Variants in ADAM11 observed in about 807,000 individuals in gnomAD.
The protein encoded by ADAM11 is disintegrin and metalloproteinase domain-containing protein 11.
Under a neutral mutation model 119.1 loss-of-function variants are expected in ADAM11, and 49 were observed. That is an observed-to-expected ratio of 0.41 (90% CI 0.33 to 0.52). ADAM11 has a LOEUF of 0.52. Among genes scored for constraint, ADAM11 ranks in the 20% least tolerant of loss-of-function variants. The pLI is 0.20. For synonymous variants in ADAM11, 364 were observed against 408.0 expected (o/e 0.89, Z 1.30); for missense variants, 777 against 1,047.5 (o/e 0.74, Z 3.56).
At chr17:44,771,502 C>A in intron 4 of ADAM11, 82 bp from the exon 5 acceptor site, 1 of 1,389,412 alleles carries the variant, frequency 7.2e-7, no homozygotes, top group Non-Finnish European at 1.0e-6. Context: ...AGGGCAGCTT[C>A]AGTGTCCCCC....
At chr17:44,759,486 A>G (rs1013004240) in intron 1 of ADAM11, 1 of 1,249,330 alleles carries the variant, frequency 8.0e-7, no homozygotes, top group African/African-American at 1.6e-5. Context: ...CCAGCTCTGC[A>G]GGTCTCTGCG....
At position 44,779,785 on chromosome 17, in the gene ADAM11, C is replaced by A. The variant is rs755254674; in HGVS notation, c.*31C>A. On this transcript the variant is annotated 3_prime_UTR_variant, in exon 27 of 27. Coordinates refer to ENST00000200557, the MANE Select transcript of ADAM11 (RefSeq NM_002390.6). ...ACCCTCCTCCCTCCAAGCCTGGCAC[C>A]CACCGTCTCGGCCCTGAACCACGAG... The A allele has an allele frequency of 1.2e-6, 2 of 1,612,366 alleles. No individual in the cohort carries two copies. The highest frequency in any genetic ancestry group is 8.5e-7 in the Non-Finnish European group (1 of 1,179,360).
Position 44,775,597 on chromosome 17 carries a change from C to T in ADAM11, c.1406C>T (p.Ala469Val), listed in dbSNP as rs751574247. ...CGCGTCCCTCAGGAGTGCAGCCGCG[C>T]AGGTGGCAACTGCTGCAAGAAATGC... ...DCGSVQECSR[A>V]GGNCCKKCTL... The change falls in exon 17 of 27, where the codon GCA becomes GTA. Residue 469 changes from alanine (A) to valine (V), a missense_variant. Physicochemically the swap from Ala to Val is moderately conservative, Grantham distance 64 (BLOSUM62 0). Around this residue, in one of 4 missense-constraint regions of ADAM11, gnomAD observed 348 missense variants for 486.7 expected, o/e 0.72. Transcript: ENST00000200557. The surrounding 1 kb of genome is among the most constrained non-coding windows in gnomAD (Gnocchi z 7.5). 11 of 1,579,918 alleles carry T rather than the reference C, an allele frequency of 7.0e-6. No homozygotes were observed. The highest frequency in any genetic ancestry group is 8.6e-6 in the Non-Finnish European group (10 of 1,164,276).
At position 44,773,578 on chromosome 17, in the gene ADAM11, C is replaced by A. The variant is rs1356623598; in HGVS notation, c.992+151C>A. On this transcript the variant is annotated intron_variant, in intron 11 of 26. Coordinates refer to ENST00000200557, the MANE Select transcript of ADAM11 (RefSeq NM_002390.6). The surrounding 1 kb of genome is among the most constrained non-coding windows in gnomAD (Gnocchi z 4.6). Reference sequence around the variant, plus strand: ...GCCACCTACCCCCAGCCACATGCAACAGCTGGGCATCATCCCCTGAATCTG... The same window carrying A: ...GCCACCTACCCCCAGCCACATGCAAAAGCTGGGCATCATCCCCTGAATCTG... The A allele has an allele frequency of 3.1e-6, 3 of 956,446 alleles. No homozygotes were observed. The highest frequency in any genetic ancestry group is 5.5e-5 in the Admixed American group (2 of 36,172). The allele number at this position is 956,446 out of a possible 1,614,324, so 59.2% of individuals were successfully genotyped here. A position where few individuals can be genotyped will look rare whatever the true frequency, so the allele number is the denominator to read the frequency against.
rs2049612437 is a variant in ADAM11 at position 44,777,017 on chromosome 17, C to T, written c.1681+55C>T. The T allele has an allele frequency of 6.3e-7, 1 of 1,583,426 alleles. No individual in the cohort carries two copies. The highest frequency in any genetic ancestry group is 8.6e-7 in the Non-Finnish European group (1 of 1,159,436). On this transcript the variant is annotated intron_variant, in intron 20 of 26. Coordinates refer to ENST00000200557, the MANE Select transcript of ADAM11 (RefSeq NM_002390.6). This position sits in a 1 kb window ranked among gnomAD's most constrained non-coding sequence, Gnocchi z 5.1. ...CTCCGGAGGACCCAGAGCTGAGAAGCTGGGGAGAGTGGGTTCCAGCTGAAC... is the reference window on the plus strand; with the variant it reads ...CTCCGGAGGACCCAGAGCTGAGAAGTTGGGGAGAGTGGGTTCCAGCTGAAC...
chr17:44,778,713 A>AAAAAAAAAAAAAAAAAAAAAG lies in ADAM11; in HGVS notation c.2276+471_2276+472insAAAAAAAAAAAAAAAAAAAAG, dbSNP rs71136047. ...CAAAAAAAAAAAAAAAAAAAAAAAAAGAAAGAAAGAGAGAAAGAAAAGAAA... is the reference window on the plus strand; with the variant it reads ...CAAAAAAAAAAAAAAAAAAAAAAAAAAAAAAAAAAAAAAAAAAAAAGGAAAGAAAGAGAGAAAGAAAAGAAA... On this transcript the variant is annotated intron_variant, in intron 25 of 26. Coordinates refer to ENST00000200557, the MANE Select transcript of ADAM11 (RefSeq NM_002390.6). Among the ~76,000 whole-genome samples, 30 of 80,456 alleles carry AAAAAAAAAAAAAAAAAAAAAG rather than the reference A, an allele frequency of 3.7e-4. 2 individuals carry two copies. The highest frequency in any genetic ancestry group is 4.8e-4 in the Non-Finnish European group (22 of 45,596). 52.8% of individuals were successfully genotyped at this position (80,456 alleles called of 152,430 possible).
At position 44,777,237 on chromosome 17, in the gene ADAM11, G is replaced by A; in HGVS notation, c.1753G>A (p.Gly585Arg). The change falls in exon 21 of 27, where the codon GGA (glycine) becomes AGA (arginine). Residue 585 changes from glycine (G) to arginine (R), a missense_variant. By Grantham distance (125) the Gly-to-Arg change is moderately radical. Around this residue, in one of 4 missense-constraint regions of ADAM11, gnomAD observed 348 missense variants for 486.7 expected, o/e 0.72. Transcript: ENST00000200557. This position sits in a 1 kb window ranked among gnomAD's most constrained non-coding sequence, Gnocchi z 5.1. Reference sequence around the variant, plus strand: ...GGAGCGTGGGAGCTGTGGGCGCAAGGGATCTGGCTGGGTCCAGTGCAGTAA... The same window carrying A: ...GGAGCGTGGGAGCTGTGGGCGCAAGAGATCTGGCTGGGTCCAGTGCAGTAA... ...GTERGSCGRK[G>R]SGWVQCSKQD... The A allele has an allele frequency of 6.2e-7, 1 of 1,608,080 alleles. No homozygotes were observed. The highest frequency in any genetic ancestry group is 1.1e-5 in the South Asian group (1 of 90,926).
chr17:44,774,610 G>T (rs1205762013), intron 13 of ADAM11, 28 bp downstream of exon 13: 1 of 1,607,326 alleles, frequency 6.2e-7, no homozygotes, highest in African/African-American at 1.3e-5. Flanking sequence ...CCCCCGTGTG[G>T]CCCACGCCCA....
chr17:44,775,677 G>T lies in ADAM11; in HGVS notation c.1485+1G>T. The T allele has an allele frequency of 6.3e-7, 1 of 1,579,850 alleles. No individual in the cohort carries two copies. The highest frequency in any genetic ancestry group is 2.3e-5 in the East Asian group (1 of 43,732). Reference sequence around the variant, plus strand: ...CGGGCTCTGCTGTCGCCGCTGCAAGGTAAGCAGGACCGGCCGGGAGGCGGG... The same window carrying T: ...CGGGCTCTGCTGTCGCCGCTGCAAGTTAAGCAGGACCGGCCGGGAGGCGGG... On this transcript the variant is annotated splice_donor_variant, in intron 17 of 26. Coordinates refer to ENST00000200557, the MANE Select transcript of ADAM11 (RefSeq NM_002390.6). LOFTEE classifies it high-confidence loss of function. This position sits in a 1 kb window ranked among gnomAD's most constrained non-coding sequence, Gnocchi z 7.5.
chr17:44,777,374 G>C lies in ADAM11; in HGVS notation c.1782-108G>C. 6.6e-7 allele frequency: 1 copy of C among 1,519,896 alleles called. No homozygotes were observed. Among genetic ancestry groups the C allele is most frequent in the Non-Finnish European group, 9.0e-7 (1 of 1,105,210 alleles). 94.2% of individuals were successfully genotyped at this position (1,519,896 alleles called of 1,614,324 possible). On this transcript the variant is annotated intron_variant, in intron 21 of 26. Transcript: ENST00000200557. This position sits in a 1 kb window ranked among gnomAD's most constrained non-coding sequence, Gnocchi z 5.1. ...GAGGAGCCTGTCAGTCCCAATGGGC[G>C]GGCACGTGGCAAATGAGGTGGCAGG...
chr17:44,774,666 C>A, intron 13 of ADAM11, 32 bp from the exon 14 acceptor site: 1 of 1,592,684 alleles, frequency 6.3e-7, no homozygotes, highest in Non-Finnish European at 8.6e-7. Context: ...TGGTCCTTGG[C>A]CTCCCTCATA....
rs760063325 is a variant in ADAM11 at position 44,772,349 on chromosome 17, G to T, written c.610+16G>T. 2.5e-6 allele frequency: 4 copies of T among 1,588,568 alleles called. No homozygotes were observed. The highest frequency in any genetic ancestry group is 1.7e-4 in the Middle Eastern group (1 of 6,010). ...AGGGAACCAGGTAAGGGAGGGAAGG[G>T]GGGGTGGGGAGGGGCCGGCTGTGCC... On this transcript the variant is annotated intron_variant, in intron 7 of 26. Transcript: ENST00000200557. This position sits in a 1 kb window ranked among gnomAD's most constrained non-coding sequence, Gnocchi z 4.5.
chr17:44,773,017 G>C lies in ADAM11; in HGVS notation c.757G>C (p.Glu253Gln), dbSNP rs771142695. The stretch of plus-strand genomic sequence containing the variant: ...CTCCCATTCTTCTCTCTCCCAGTTC[G>C]AGCAGATGCGACAGTCGGTGGTCCT... ...LIVINDHQLFEQMRQSVVLTS... is the reference protein window; with the variant it reads ...LIVINDHQLFQQMRQSVVLTS... The change falls in exon 10 of 27, where the codon GAG becomes CAG. Residue 253 changes from glutamate to glutamine, a missense_variant. This residue lies in a region of ADAM11 where 147 missense variants were observed against 223.3 expected (regional missense o/e 0.66). Coordinates refer to ENST00000200557, the MANE Select transcript of ADAM11 (RefSeq NM_002390.6). The surrounding 1 kb of genome is among the most constrained non-coding windows in gnomAD (Gnocchi z 4.6). 1.9e-6 allele frequency: 3 copies of C among 1,613,888 alleles called. No individual in the cohort carries two copies. The highest frequency in any genetic ancestry group is 2.7e-5 in the African/African-American group (2 of 74,860).
chr17:44,765,745 C>T (rs369561711), intron 2 of ADAM11, among the ~76,000 whole-genome samples: 39 of 151,700 alleles, frequency 2.6e-4, no homozygotes, highest in African/African-American at 8.7e-4. Context: ...CTCAGCCTCT[C>T]GAGTAACTGG....
In ADAM11 at chr17:44,772,842, C is replaced by T. The variant is rs1260965096; in HGVS notation, c.679-15C>T. On this transcript the variant is annotated splice_polypyrimidine_tract_variant and intron_variant, in intron 8 of 26. Coordinates refer to ENST00000200557, the MANE Select transcript of ADAM11 (RefSeq NM_002390.6). This position sits in a 1 kb window ranked among gnomAD's most constrained non-coding sequence, Gnocchi z 4.5. ...CATGGAAGGGACTGATTCCAAGTGC[C>T]CACCCACCCCCCAGGTCCGCCGGGG... 2 of 1,612,338 alleles carry T rather than the reference C, an allele frequency of 1.2e-6. No individual in the cohort carries two copies. Among genetic ancestry groups the T allele is most frequent in the Non-Finnish European group, 1.7e-6 (2 of 1,178,806 alleles).
rs2049694025 is a variant in ADAM11 at position 44,781,538 on chromosome 17, G to GGCAC, written c.*1784_*1785insGCAC. 1 of 152,366 alleles carries GGCAC rather than the reference G, an allele frequency of 6.6e-6. No individual in the cohort carries two copies. Among genetic ancestry groups the GGCAC allele is most frequent in the African/African-American group, 2.4e-5 (1 of 41,470 alleles). The allele number at this position is 152,366 out of a possible 1,614,324, so 9.4% of individuals were successfully genotyped here. On this transcript the variant is annotated 3_prime_UTR_variant, in exon 27 of 27. Transcript: ENST00000200557. ...ACAGTGCATCTGGGCACAGCTTTTGGATCCACACCTCTGCACAAGTGTGAA... is the reference window on the plus strand; with the variant it reads ...ACAGTGCATCTGGGCACAGCTTTTGGGCACATCCACACCTCTGCACAAGTGTGAA...
Position 44,775,209 on chromosome 17 carries a change from C to A in ADAM11, c.1221-3C>A. 6.2e-7 allele frequency: 1 copy of A among 1,612,460 alleles called. No homozygotes were observed. Among genetic ancestry groups the A allele is most frequent in the Non-Finnish European group, 8.5e-7 (1 of 1,178,852 alleles). On this transcript the variant is annotated splice_polypyrimidine_tract_variant and splice_region_variant and intron_variant, in intron 14 of 26. Transcript: ENST00000200557. This position sits in a 1 kb window ranked among gnomAD's most constrained non-coding sequence, Gnocchi z 7.5. ...CAGCAGCACCTCCCCTCGCCCTATC[C>A]AGGTTCTACCTGCCCCGCAAGTTCT...
chr17:44,779,199 C>A, intron 25 of ADAM11, 23 bp from the exon 26 acceptor site: 1 of 1,589,496 alleles, frequency 6.3e-7, no homozygotes, highest in Admixed American at 1.8e-5. Context: ...TTCCTCTCCC[C>A]TTCCACCATC....
chr17:44,776,650 A>T lies in ADAM11; in HGVS notation c.1567-95A>T. 6.8e-7 allele frequency: 1 copy of T among 1,473,026 alleles called. No individual in the cohort carries two copies. The highest frequency in any genetic ancestry group is 9.3e-7 in the Non-Finnish European group (1 of 1,076,150). 91.2% of individuals were successfully genotyped at this position (1,473,026 alleles called of 1,614,324 possible). A position where few individuals can be genotyped will look rare whatever the true frequency, so the allele number is the denominator to read the frequency against. On this transcript the variant is annotated intron_variant, in intron 18 of 26. Coordinates refer to ENST00000200557, the MANE Select transcript of ADAM11 (RefSeq NM_002390.6). This position sits in a 1 kb window ranked among gnomAD's most constrained non-coding sequence, Gnocchi z 5.2. The stretch of plus-strand genomic sequence containing the variant: ...AAGAGCCCTGTGGCATGAGCCCCCA[A>T]TGGGGGGCACTTGGTACCCCAGCAT...
Sources: gnomAD v4.1 joint callset for allele counts (sites outside exome capture counted in the v4.1 genomes callset) on GRCh38, gnomAD v4.1.1 for gene constraint, gnomAD v4.1.1 regional missense constraint, Gnocchi (gnomAD v3.1) non-coding constraint, MANE v1.5 for transcripts, NCBI Gene and HGNC (gene_info 2026-07-23, HGNC 2026-07-21) for gene names.